PYHIN1: variants seen among roughly 807,000 people sequenced by gnomAD.
PYHIN1 encodes the protein pyrin and HIN domain-containing protein 1.
PYHIN1 carries 32 observed loss-of-function variants against 43.7 expected under a neutral mutation model. The ratio of observed to expected loss-of-function variants is 0.73; its 90% CI spans 0.55 to 0.98. The LOEUF (loss-of-function observed/expected upper bound fraction) is 0.98. Among genes scored for constraint, PYHIN1 ranks in the 50% least tolerant of loss-of-function variants. The pLI is 0.00. For missense variants in PYHIN1, 588 were observed against 589.5 expected, an observed-to-expected ratio of 1.00 and a Z score of 0.03; for synonymous variants, 205 against 203.1, an observed-to-expected ratio of 1.01 and a Z score of -0.08.
chr1:158,973,816 G>T, intron 8 of PYHIN1, 45 bp downstream of exon 8: 1 of 1,598,050 alleles, frequency 6.3e-7, no homozygotes, highest in Non-Finnish European at 8.6e-7. Flanking sequence ...AAATATAATT[G>T]TAGGGGTAAT....
At chr1:158,950,656 G>A (rs1198439061) in intron 7 of PYHIN1, among the ~76,000 whole-genome samples, 1 of 152,188 alleles carries the variant, frequency 6.6e-6, no homozygotes, top group Non-Finnish European at 1.5e-5. Flanking sequence ...ATTGAAATGT[G>A]TCATCTCAAT....
rs191435949 is a variant in PYHIN1 at position 158,933,010 on chromosome 1, C to G, written c.-21+1234C>G. Among the ~76,000 whole-genome samples, 2 of 151,990 alleles carry G rather than the reference C, an allele frequency of 1.3e-5. No individual in the cohort carries two copies. The highest frequency in any genetic ancestry group is 4.8e-5 in the African/African-American group (2 of 41,418). On this transcript the variant is annotated intron_variant, in intron 1 of 8. Transcript: ENST00000368140. This position sits in a 1 kb window ranked among gnomAD's most constrained non-coding sequence, Gnocchi z 6.3. ...ATTTATATATGTTAGATAAATATTG[C>G]TATCAATTATGTTGCTCAAATTTGT...
chr1:158,966,020 C>A (rs997332840), intron 7 of PYHIN1, among the ~76,000 whole-genome samples: 1 of 151,896 alleles, frequency 6.6e-6, no homozygotes, highest in African/African-American at 2.4e-5. Flanking sequence ...TCTAAATAAA[C>A]ACAATTAGAA....
chr1:158,990,557 A>C, the PYHIN1 span, among the ~76,000 whole-genome samples: 1 of 152,102 alleles, frequency 6.6e-6, no homozygotes, highest in Non-Finnish European at 1.5e-5. Context: ...ATTTTTCAGG[A>C]ATACAATATT....
intron 7 of PYHIN1, among the ~76,000 whole-genome samples, chr1:158,973,411 G>T (rs1218118923): frequency 6.6e-6 from 1 of 151,504 alleles, no homozygotes; most frequent in African/African-American, 2.4e-5. Context: ...CTATATGCTA[G>T]TTTCTGTGTA....
At chr1:158,947,319 C>T (rs1032128515) in intron 7 of PYHIN1, among the ~76,000 whole-genome samples, 1 of 152,026 alleles carries the variant, frequency 6.6e-6, no homozygotes, top group Non-Finnish European at 1.5e-5. Flanking sequence ...GGGATATAGC[C>T]AGATAAAGGA....
chr1:158,983,125 C>T, the PYHIN1 span, among the ~76,000 whole-genome samples: 4 of 150,876 alleles, frequency 2.7e-5, no homozygotes, highest in African/African-American at 9.7e-5. Flanking sequence ...ATTTGGACGT[C>T]TTTTATTTTT....
intron 7 of PYHIN1, among the ~76,000 whole-genome samples, chr1:158,965,268 T>C (rs144201549): frequency 2.0e-4 from 31 of 152,212 alleles, no homozygotes; most frequent in South Asian, 1.4e-3. Flanking sequence ...ACAAAGAGAC[T>C]TAGAGTCACA....
intron 7 of PYHIN1, among the ~76,000 whole-genome samples, chr1:158,948,375 T>C (rs1354947412): frequency 6.6e-6 from 1 of 152,184 alleles, no homozygotes; most frequent in Non-Finnish European, 1.5e-5. Context: ...CAAATTGTCA[T>C]GAAAGGTTTC....
At chr1:158,981,863 T>A (rs540412678), downstream of PYHIN1, among the ~76,000 whole-genome samples, 81 of 152,320 alleles carry the variant, frequency 5.3e-4, no homozygotes, top group Non-Finnish European at 1.0e-3. Flanking sequence ...GGTATCTCCC[T>A]GTAGTTTTGA....
intron 7 of PYHIN1, among the ~76,000 whole-genome samples, chr1:158,955,440 T>TAAGAATCTCACTCAA (rs1392729619): frequency 1.3e-5 from 2 of 151,600 alleles, no homozygotes; most frequent in African/African-American, 4.9e-5. Flanking sequence ...AACTCAGGAT[T>TAAGAATCTCACTCAA]AAGAATCTCA....
chr1:158,963,748 C>CT (rs1366774482), intron 7 of PYHIN1, among the ~76,000 whole-genome samples: 5 of 152,212 alleles, frequency 3.3e-5, no homozygotes, highest in Non-Finnish European at 5.9e-5. Context: ...CCTCAGCTCT[C>CT]TAACAACATC....
In PYHIN1 at chr1:158,976,807, G is replaced by T; in HGVS notation, c.*112G>T. On this transcript the variant is annotated 3_prime_UTR_variant, in exon 9 of 9. Transcript: ENST00000368140. ...AAAACCTGATGCCATTGGTAATGATGTTTATGAAGATAAGATCAAAGCACA... is the reference window on the plus strand; with the variant it reads ...AAAACCTGATGCCATTGGTAATGATTTTTATGAAGATAAGATCAAAGCACA... 1.0e-6 allele frequency: 1 copy of T among 959,482 alleles called. No individual in the cohort carries two copies. 59.4% of individuals were successfully genotyped at this position (959,482 alleles called of 1,614,324 possible).
the PYHIN1 span, among the ~76,000 whole-genome samples, chr1:158,983,688 T>A: frequency 6.6e-6 from 1 of 152,114 alleles, no homozygotes; most frequent in Non-Finnish European, 1.5e-5. Context: ...CTCCTCAATA[T>A]TTTGGAATAA....
At chr1:158,960,925 A>AT (rs1156247302) in intron 7 of PYHIN1, among the ~76,000 whole-genome samples, 2 of 152,230 alleles carry the variant, frequency 1.3e-5, no homozygotes, top group Non-Finnish European at 2.9e-5. Context: ...TAAGTGGTAG[A>AT]TATGAATAAA....
At chr1:158,956,908 T>TGTA (rs1649972378) in intron 7 of PYHIN1, among the ~76,000 whole-genome samples, 1 of 100,870 alleles carries the variant, frequency 9.9e-6, no homozygotes, top group Non-Finnish European at 2.0e-5. Flanking sequence ...CAGCAAAGTC[T>TGTA]CAGAATACAA....
chr1:158,971,925 T>TA (rs1650953569), intron 7 of PYHIN1, among the ~76,000 whole-genome samples: 1 of 151,502 alleles, frequency 6.6e-6, no homozygotes, highest in Admixed American at 6.6e-5. Flanking sequence ...GTTATGCTGC[T>TA]AGCCAGAGAA....
chr1:158,983,395 A>G, the PYHIN1 span, among the ~76,000 whole-genome samples: 1 of 152,112 alleles, frequency 6.6e-6, no homozygotes, highest in Non-Finnish European at 1.5e-5. Context: ...TATTTAGATA[A>G]TCACGTGATT....
chr1:158,962,920 C>G (rs1197526062), intron 7 of PYHIN1, among the ~76,000 whole-genome samples: 1 of 152,124 alleles, frequency 6.6e-6, no homozygotes, highest in Non-Finnish European at 1.5e-5. Flanking sequence ...GCCCCTGATC[C>G]CCTTAGTTCA....
Sources: gnomAD v4.1 joint callset for allele counts (sites outside exome capture counted in the v4.1 genomes callset) on GRCh38, gnomAD v4.1.1 for gene constraint, Gnocchi (gnomAD v3.1) non-coding constraint, MANE v1.5 for transcripts, NCBI Gene and HGNC (gene_info 2026-07-23, HGNC 2026-07-21) for gene names.